RNF175: variants seen among roughly 807,000 people sequenced by gnomAD.
RNF175 encodes the protein ring finger protein 175.
In RNF175, 38 loss-of-function variants were observed where a neutral mutation model predicts 50.0. The observed-to-expected ratio is 0.76, with a 90% CI of 0.59 to 1.00. RNF175 has a LOEUF of 1.00. Among genes scored for constraint, RNF175 ranks in the 50% least tolerant of loss-of-function variants. The probability of loss-of-function intolerance (pLI) is 0.00; values close to 1 mark genes in which losing one functional copy is unlikely to be tolerated. For missense variants in RNF175, 388 were observed against 409.6 expected (o/e 0.95, Z 0.46); for synonymous variants, 155 against 146.1 (o/e 1.06, Z -0.44).
chr4:153,757,533 G>A (rs1206364832), intron 1 of RNF175, among the ~76,000 whole-genome samples: 1 of 152,166 alleles, frequency 6.6e-6, no homozygotes, highest in African/African-American at 2.4e-5. Context: ...TGAGTGCCAG[G>A]TAGGAATGTT....
intron 8 of RNF175, among the ~76,000 whole-genome samples, chr4:153,712,067 A>C (rs1275317676): frequency 6.6e-6 from 1 of 152,186 alleles, no homozygotes; most frequent in African/African-American, 2.4e-5. Context: ...TCTGTACTCT[A>C]GTTCACATTT....
intron 1 of RNF175, among the ~76,000 whole-genome samples, chr4:153,758,423 T>C (rs1400785522): frequency 6.6e-6 from 1 of 152,056 alleles, no homozygotes; most frequent in Non-Finnish European, 1.5e-5. Flanking sequence ...GAGTCCCTCC[T>C]AGGGCAGCCT....
At chr4:153,745,237 G>A (rs753522468) in intron 3 of RNF175, among the ~76,000 whole-genome samples, 15 of 152,198 alleles carry the variant, frequency 9.9e-5, no homozygotes, top group Admixed American at 2.0e-4. Context: ...CCAGCACCAT[G>A]AGGGAACTTG....
chr4:153,756,726 G>A (rs539778406), intron 1 of RNF175, among the ~76,000 whole-genome samples: 191 of 152,298 alleles, frequency 1.3e-3, no homozygotes, highest in Non-Finnish European at 2.4e-3. Flanking sequence ...AGGACCTTGT[G>A]TTCTAGAGGA....
At chr4:153,746,402 C>T (rs1739974467) in intron 3 of RNF175, among the ~76,000 whole-genome samples, 1 of 152,254 alleles carries the variant, frequency 6.6e-6, no homozygotes, top group Admixed American at 6.5e-5. Context: ...AGGCTTAGCC[C>T]ACACAACTCT....
At chr4:153,723,488 G>GAAGACAGA in intron 4 of RNF175, 30 bp from the exon 5 acceptor site, 1 of 974,998 alleles carries the variant, frequency 1.0e-6, no homozygotes, top group Non-Finnish European at 1.6e-6. Context: ...GAGAAACACA[G>GAAGACAGA]AACACAGAAA....
At chr4:153,742,163 A>G (rs1739697277) in intron 3 of RNF175, among the ~76,000 whole-genome samples, 1 of 151,546 alleles carries the variant, frequency 6.6e-6, no homozygotes, top group South Asian at 2.1e-4. Flanking sequence ...AATCCCAGCT[A>G]CTCAGGAGGC....
chr4:153,757,291 G>T (rs1423161330), intron 1 of RNF175, among the ~76,000 whole-genome samples: 11 of 152,232 alleles, frequency 7.2e-5, no homozygotes, highest in African/African-American at 2.4e-4. Flanking sequence ...GCCAGCGCTG[G>T]CCTCATCCCC....
intron 3 of RNF175, among the ~76,000 whole-genome samples, chr4:153,745,110 C>T (rs971300092): frequency 5.3e-5 from 8 of 152,184 alleles, no homozygotes; most frequent in African/African-American, 1.7e-4. Flanking sequence ...AGACCCAGAA[C>T]CATGTAGTGT....
intron 1 of RNF175, among the ~76,000 whole-genome samples, chr4:153,752,859 T>G (rs1740362030): frequency 6.6e-6 from 1 of 152,044 alleles, no homozygotes; most frequent in Non-Finnish European, 1.5e-5. Context: ...GAATGAGAAA[T>G]TCACGAATTG....
chr4:153,755,587 T>A (rs1320611245), intron 1 of RNF175, among the ~76,000 whole-genome samples: 1 of 146,988 alleles, frequency 6.8e-6, no homozygotes, highest in Non-Finnish European at 1.5e-5. Context: ...AAAAAAAACC[T>A]CAAAGACATG....
At chr4:153,736,572 T>A (rs1016589079) in intron 3 of RNF175, among the ~76,000 whole-genome samples, 1 of 152,188 alleles carries the variant, frequency 6.6e-6, no homozygotes, top group Admixed American at 6.5e-5. Flanking sequence ...CTGGGAGAGA[T>A]TGTAGAGAAC....
chr4:153,729,427 T>C (rs1738908188), intron 3 of RNF175, among the ~76,000 whole-genome samples: 1 of 152,216 alleles, frequency 6.6e-6, no homozygotes, highest in Non-Finnish European at 1.5e-5. Flanking sequence ...ATATTCATCA[T>C]CCTGAGTATT....
chr4:153,751,354 T>A lies in RNF175; in HGVS notation c.104+84A>T. On this transcript the variant is annotated intron_variant, in intron 2 of 8. Transcript: ENST00000347063. ...TATCCTGGAAAATTTACAAATAAAA[T>A]GATGACTTCATTCATTTTCTCAACT... 5.0e-6 allele frequency: 5 copies of A among 995,142 alleles called. No individual in the cohort carries two copies. In the South Asian group the frequency reaches 7.4e-5, roughly 15 times the overall value. The allele number at this position is 995,142 out of a possible 1,614,324, so 61.6% of individuals were successfully genotyped here. A position where few individuals can be genotyped will look rare whatever the true frequency, so the allele number is the denominator to read the frequency against.
intron 3 of RNF175, among the ~76,000 whole-genome samples, chr4:153,744,712 G>A (rs917213232): frequency 3.3e-5 from 5 of 152,150 alleles, no homozygotes; most frequent in African/African-American, 9.7e-5. Flanking sequence ...TTGCAGATAA[G>A]GAAACCATAG....
Position 153,728,303 on chromosome 4 carries a change from C to A in RNF175, c.305G>T (p.Trp102Leu), listed in dbSNP as rs1738829943. ...CCCCCACATAGACAGAAACCGCCAC[C>A]AGTATAATTTTATCGTGAAATATAA... Reference protein sequence around the residue: ...VPLYFTIKLYWWRFLSMWGMF... With the variant: ...VPLYFTIKLYLWRFLSMWGMF... The change falls in exon 4 of 9, where the codon TGG becomes TTG. Residue 102 changes from tryptophan (W) to leucine (L), a missense_variant. Transcript: ENST00000347063. 1.2e-6 allele frequency: 2 copies of A among 1,613,396 alleles called. No individual in the cohort carries two copies. Among genetic ancestry groups the A allele is most frequent in the Admixed American group, 3.3e-5 (2 of 59,992 alleles).
chr4:153,738,677 T>A (rs957285509), intron 3 of RNF175, among the ~76,000 whole-genome samples: 7 of 152,228 alleles, frequency 4.6e-5, no homozygotes, highest in African/African-American at 1.7e-4. Context: ...CTGAAAATCT[T>A]TGTATTTTAA....
intron 3 of RNF175, among the ~76,000 whole-genome samples, chr4:153,733,101 G>A (rs993373744): frequency 3.9e-5 from 6 of 151,930 alleles, no homozygotes; most frequent in East Asian, 1.9e-4. Context: ...CCTACAGACC[G>A]CAGAACATAA....
At chr4:153,714,274 A>T (rs1483621001) in intron 7 of RNF175, 1 of 152,214 alleles carries the variant, frequency 6.6e-6, no homozygotes, top group Non-Finnish European at 1.5e-5. Flanking sequence ...TTTTTGGGAA[A>T]GGTATCACAC....
Sources: gnomAD v4.1 joint callset for allele counts (sites outside exome capture counted in the v4.1 genomes callset) on GRCh38, gnomAD v4.1.1 for gene constraint, MANE v1.5 for transcripts, NCBI Gene and HGNC (gene_info 2026-07-23, HGNC 2026-07-21) for gene names.